Variants in MAPK4 observed in about 807,000 individuals in gnomAD.
The protein encoded by MAPK4 is mitogen-activated protein kinase 4, also known as Erk3-related.
A neutral mutation model predicts 47.7 loss-of-function variants in MAPK4; 22 were observed. That is an observed-to-expected ratio of 0.46 (90% CI 0.33 to 0.66). The LOEUF (loss-of-function observed/expected upper bound fraction) is 0.66, where lower values mean the gene tolerates loss of function less well. MAPK4 is among the 30% of genes least tolerant of loss of function. The probability of loss-of-function intolerance (pLI) is 0.02; values close to 1 mark genes in which losing one functional copy is unlikely to be tolerated. For synonymous variants in MAPK4, 390 were observed against 365.7 expected, an observed-to-expected ratio of 1.07 and a Z score of -0.76; for missense variants, 736 against 831.7, an observed-to-expected ratio of 0.88 and a Z score of 1.42.
At chr18:50,573,963 G>A (rs937980334) in intron 1 of MAPK4, among the ~76,000 whole-genome samples, 7 of 152,174 alleles carry the variant, frequency 4.6e-5, no homozygotes, top group Admixed American at 4.6e-4. Context: ...AAGATGTGTG[G>A]CTTGTCTTAG....
intron 1 of MAPK4, among the ~76,000 whole-genome samples, chr18:50,614,514 A>T (rs1598827777): frequency 6.6e-6 from 1 of 152,282 alleles, no homozygotes; most frequent in East Asian, 1.9e-4. Flanking sequence ...TTTTTATAAA[A>T]ATAAAACCAT....
At chr18:50,676,138 C>T (rs1230261520) in intron 2 of MAPK4, among the ~76,000 whole-genome samples, 2 of 152,098 alleles carry the variant, frequency 1.3e-5, no homozygotes, top group East Asian at 3.8e-4. Context: ...TTTTTTTAGC[C>T]CAAGTACAGG....
intron 1 of MAPK4, among the ~76,000 whole-genome samples, chr18:50,579,040 G>C (rs536148761): frequency 6.6e-6 from 1 of 152,206 alleles, no homozygotes; most frequent in Non-Finnish European, 1.5e-5. Context: ...TGGATGAGGA[G>C]GGGCAGCTTA....
At chr18:50,697,897 A>G (rs570486410) in intron 2 of MAPK4, among the ~76,000 whole-genome samples, 23 of 152,302 alleles carry the variant, frequency 1.5e-4, no homozygotes, top group African/African-American at 5.5e-4. Flanking sequence ...GGGCTTGTCA[A>G]GGCCTTCTTT....
chr18:50,621,112 GTCCTAGTA>G (rs2042728202), intron 1 of MAPK4, among the ~76,000 whole-genome samples: 2 of 152,130 alleles, frequency 1.3e-5, no homozygotes, highest in African/African-American at 4.8e-5. Context: ...TATGAAGAAG[GTCCTAGTA>G]TCCCCATTTT....
chr18:50,608,833 A>C (rs142677501), intron 1 of MAPK4, among the ~76,000 whole-genome samples: 1,794 of 152,210 alleles, frequency 0.012, 36 homozygotes, highest in African/African-American at 0.041. Flanking sequence ...ACAAGTGAAC[A>C]AGGGTATCTG....
intron 2 of MAPK4, among the ~76,000 whole-genome samples, chr18:50,713,902 T>G (rs1042960302): frequency 6.6e-6 from 1 of 152,192 alleles, no homozygotes; most frequent in Admixed American, 6.5e-5. Flanking sequence ...TCTACCAGTT[T>G]GAGGCTCTAC....
chr18:50,574,038 G>A (rs1197318684), intron 1 of MAPK4, among the ~76,000 whole-genome samples: 3 of 152,062 alleles, frequency 2.0e-5, no homozygotes, highest in African/African-American at 4.8e-5. Context: ...ATTCCACATC[G>A]GCGTTCTTTT....
At chr18:50,562,702 T>A (rs539741185) in intron 1 of MAPK4, among the ~76,000 whole-genome samples, 1 of 152,354 alleles carries the variant, frequency 6.6e-6, no homozygotes, top group Admixed American at 6.5e-5. Flanking sequence ...GAAAATCATA[T>A]CCATTAGCAA....
chr18:50,591,846 G>A (rs1364279598), intron 1 of MAPK4, among the ~76,000 whole-genome samples: 1 of 151,962 alleles, frequency 6.6e-6, no homozygotes. Flanking sequence ...GATTTCAAGG[G>A]GCTTCTCTAC....
chr18:50,565,854 T>C (rs1259658820), intron 1 of MAPK4, among the ~76,000 whole-genome samples: 2 of 152,232 alleles, frequency 1.3e-5, no homozygotes, highest in South Asian at 2.1e-4. Flanking sequence ...AAGTATGCTC[T>C]ATGATGTTCC....
chr18:50,660,799 C>T (rs562210251), intron 1 of MAPK4, among the ~76,000 whole-genome samples: 2 of 152,188 alleles, frequency 1.3e-5, no homozygotes, highest in East Asian at 1.9e-4. Context: ...AAAAGCCAGG[C>T]AGCAAAGAGT....
chr18:50,683,778 C>T (rs1429717332), intron 2 of MAPK4, among the ~76,000 whole-genome samples: 1 of 152,044 alleles, frequency 6.6e-6, no homozygotes, highest in African/African-American at 2.4e-5. Flanking sequence ...TTCCTCCCTC[C>T]CAGAGCTGCA....
chr18:50,583,975 A>T (rs1446295718), intron 1 of MAPK4, among the ~76,000 whole-genome samples: 1 of 152,230 alleles, frequency 6.6e-6, no homozygotes, highest in Non-Finnish European at 1.5e-5. Context: ...TTGGGGGCAT[A>T]AATGTCTGTC....
chr18:50,716,048 C>T (rs1240618271), intron 3 of MAPK4, among the ~76,000 whole-genome samples: 1 of 152,206 alleles, frequency 6.6e-6, no homozygotes, highest in East Asian at 1.9e-4. Flanking sequence ...GTCTTGTCCT[C>T]CATGACGTCT....
intron 3 of MAPK4, among the ~76,000 whole-genome samples, chr18:50,719,022 T>C (rs974998960): frequency 6.5e-5 from 9 of 139,382 alleles, no homozygotes; most frequent in Middle Eastern, 7.8e-3. Flanking sequence ...CGGTGGAGGT[T>C]CCAGTGAGCC....
chr18:50,676,617 T>C (rs978034668), intron 2 of MAPK4, among the ~76,000 whole-genome samples: 3 of 152,194 alleles, frequency 2.0e-5, no homozygotes, highest in Non-Finnish European at 4.4e-5. Flanking sequence ...CCTAGATACA[T>C]GGAGCACAGA....
At chr18:50,571,631 A>G (rs898500313) in intron 1 of MAPK4, among the ~76,000 whole-genome samples, 2 of 152,220 alleles carry the variant, frequency 1.3e-5, no homozygotes, top group African/African-American at 2.4e-5. Context: ...CTAAAGAGAT[A>G]TAGTTATTTG....
At chr18:50,598,146 T>C (rs901778348) in intron 1 of MAPK4, among the ~76,000 whole-genome samples, 7 of 152,208 alleles carry the variant, frequency 4.6e-5, no homozygotes, top group South Asian at 2.1e-4. Context: ...CTCCAAGATA[T>C]GTTAGACCTT....
Sources: allele counts gnomAD v4.1 joint callset (sites outside exome capture counted in the v4.1 genomes callset), GRCh38; gene constraint gnomAD v4.1.1; transcripts MANE v1.5; gene names NCBI Gene and HGNC (gene_info 2026-07-23, HGNC 2026-07-21).